The following CAMK1D variants were observed in gnomAD, a reference collection of about 807,000 sequenced individuals.
The protein encoded by CAMK1D is calcium/calmodulin dependent protein kinase ID.
In CAMK1D, 9 loss-of-function variants were observed where a neutral mutation model predicts 47.7. The observed-to-expected ratio is 0.19, with a 90% confidence interval of 0.11 to 0.33. The LOEUF is 0.33. Among genes scored for constraint, CAMK1D ranks in the 10% least tolerant of loss-of-function variants. The probability of loss-of-function intolerance (pLI) is 1.00; values close to 1 mark genes in which losing one functional copy is unlikely to be tolerated. For synonymous variants in CAMK1D, 184 were observed against 184.9 expected (o/e 0.99, Z 0.04); for missense variants, 291 against 488.7 (o/e 0.60, Z 3.81).
At chr10:12,782,931 C>T (rs1211128470) in intron 5 of CAMK1D, among the ~76,000 whole-genome samples, 1 of 151,948 alleles carries the variant, frequency 6.6e-6, no homozygotes, top group Admixed American at 6.6e-5. Context: ...TGATTCCATG[C>T]TGGATCTGAG....
At chr10:12,352,740 C>CTTT (rs760701327) in intron 1 of CAMK1D, among the ~76,000 whole-genome samples, 12,515 of 53,938 alleles carry the variant, frequency 0.23, 782 homozygotes, top group Non-Finnish European at 0.34. Flanking sequence ...TGTGGACTTT[C>CTTT]TTTTTTTTTT....
At chr10:12,734,472 GTGTATATATACACATATGTA>G (rs1835079814) in intron 3 of CAMK1D, among the ~76,000 whole-genome samples, 2 of 21,066 alleles carry the variant, frequency 9.5e-5, no homozygotes, top group East Asian at 1.7e-3. Flanking sequence ...ATACACATAT[GTGTATATATACACATATGTA>G]TATATATACA....
chr10:12,522,594 C>T (rs11257850), intron 1 of CAMK1D, among the ~76,000 whole-genome samples: 43,185 of 151,684 alleles, frequency 0.28, 6,380 homozygotes, highest in East Asian at 0.38. Context: ...CCCATGTCCA[C>T]TTCTTTCCAC....
chr10:12,771,364 C>T (rs1284765592), intron 5 of CAMK1D, among the ~76,000 whole-genome samples: 1 of 152,228 alleles, frequency 6.6e-6, no homozygotes, highest in Non-Finnish European at 1.5e-5. Context: ...CAGAACCTTC[C>T]CAGGCAGGCT....
chr10:12,447,521 G>A lies in CAMK1D; in HGVS notation c.92+97611G>A, dbSNP rs114521475. 3.3e-3 allele frequency among the ~76,000 whole-genome samples: 507 copies of A among 152,284 alleles called. 2 individuals carry two copies. Among genetic ancestry groups the A allele is most frequent in the African/African-American group, 0.012 (487 of 41,560 alleles). On this transcript the variant is annotated intron_variant, in intron 1 of 10. Coordinates refer to ENST00000619168, the MANE Select transcript of CAMK1D (RefSeq NM_153498.4). ...GTTTGAGAACAGCCTGGGCTACATA[G>A]CAAGACCCCGTCTCTCCAAAAAATT...
intron 1 of CAMK1D, among the ~76,000 whole-genome samples, chr10:12,523,680 G>C (rs986502933): frequency 1.3e-4 from 20 of 152,338 alleles, no homozygotes; most frequent in South Asian, 2.1e-4. Context: ...GTTGCAGTGA[G>C]CCGAGATGGC....
intron 2 of CAMK1D, among the ~76,000 whole-genome samples, chr10:12,557,331 C>T (rs985947181): frequency 1.3e-5 from 2 of 151,974 alleles, no homozygotes; most frequent in Admixed American, 6.6e-5. Context: ...AGGTGGATCA[C>T]GAGGTCAGGA....
chr10:12,482,590 A>C (rs1216736770), intron 1 of CAMK1D, among the ~76,000 whole-genome samples: 3 of 152,160 alleles, frequency 2.0e-5, no homozygotes, highest in Non-Finnish European at 2.9e-5. Flanking sequence ...AGGCCTGGGA[A>C]CCTGCGGAAC....
intron 1 of CAMK1D, among the ~76,000 whole-genome samples, chr10:12,437,238 C>T (rs1832662665): frequency 6.6e-6 from 1 of 152,164 alleles, no homozygotes; most frequent in African/African-American, 2.4e-5. Flanking sequence ...GTCACCCAGG[C>T]TGGAGTGCAG....
intron 1 of CAMK1D, among the ~76,000 whole-genome samples, chr10:12,543,103 A>C (rs765947161): frequency 6.6e-6 from 1 of 152,204 alleles, no homozygotes; most frequent in Non-Finnish European, 1.5e-5. Flanking sequence ...GCTGGAGTGC[A>C]GTGGCACGAT....
chr10:12,720,766 G>GT lies in CAMK1D; in HGVS notation c.300-40178dup, dbSNP rs970151909. On this transcript the variant is annotated intron_variant, in intron 3 of 10. Coordinates refer to ENST00000619168, the MANE Select transcript of CAMK1D (RefSeq NM_153498.4). ...CCGAAGAATCAATAAGGATTCAAGGGTTTTCCTCTCCACGGTAAGGAGATT... is the reference window on the plus strand; with the variant it reads ...CCGAAGAATCAATAAGGATTCAAGGGTTTTTCCTCTCCACGGTAAGGAGATT... 5.9e-5 allele frequency among the ~76,000 whole-genome samples: 9 copies of GT among 152,174 alleles called. 1 individual carries two copies. The highest frequency in any genetic ancestry group is 2.2e-4 in the African/African-American group (9 of 41,448).
intron 1 of CAMK1D, among the ~76,000 whole-genome samples, chr10:12,469,728 CAA>C (rs1215245639): frequency 4.6e-5 from 7 of 152,182 alleles, no homozygotes; most frequent in Admixed American, 3.9e-4. Context: ...CTGGAGAAAA[CAA>C]TGTTATATTT....
chr10:12,402,521 A>G (rs141521357), intron 1 of CAMK1D, among the ~76,000 whole-genome samples: 141 of 152,256 alleles, frequency 9.3e-4, no homozygotes, highest in African/African-American at 2.5e-3. Flanking sequence ...ACACTTAGTC[A>G]TTTGGTTTTT....
intron 2 of CAMK1D, among the ~76,000 whole-genome samples, chr10:12,611,569 C>A (rs1838621597): frequency 7.1e-6 from 1 of 141,814 alleles, no homozygotes; most frequent in Non-Finnish European, 1.5e-5. Flanking sequence ...CCCCCAGTTC[C>A]CTGAATGTTT....
intron 5 of CAMK1D, among the ~76,000 whole-genome samples, chr10:12,772,351 T>C (rs2130938864): frequency 6.6e-6 from 1 of 152,308 alleles, no homozygotes; most frequent in East Asian, 1.9e-4. Flanking sequence ...TGGTTCTCTT[T>C]TCAGCAGTCT....
intron 1 of CAMK1D, among the ~76,000 whole-genome samples, chr10:12,547,682 T>TCTCTCACACACACA (rs10643491): frequency 1.5e-3 from 171 of 116,516 alleles, no homozygotes; most frequent in Non-Finnish European, 2.3e-3. Flanking sequence ...TTTCTCTCTC[T>TCTCTCACACACACA]CACACACACA....
At chr10:12,763,850 A>G (rs1385379039) in intron 4 of CAMK1D, among the ~76,000 whole-genome samples, 1 of 152,202 alleles carries the variant, frequency 6.6e-6, no homozygotes, top group Non-Finnish European at 1.5e-5. Context: ...CAAAGATGCC[A>G]TAATATGCCG....
chr10:12,505,090 T>C (rs1010540808), intron 1 of CAMK1D, among the ~76,000 whole-genome samples: 3 of 152,230 alleles, frequency 2.0e-5, no homozygotes, highest in African/African-American at 7.2e-5. Flanking sequence ...CCTCCCTGTA[T>C]CGCTGTTTAT....
intron 6 of CAMK1D, among the ~76,000 whole-genome samples, chr10:12,795,181 A>G (rs1370117564): frequency 1.3e-5 from 2 of 152,146 alleles, no homozygotes; most frequent in Admixed American, 1.3e-4. Context: ...GGATAAGCAG[A>G]GAGATAAGAG....
Sources: gnomAD v4.1 joint callset for allele counts (sites outside exome capture counted in the v4.1 genomes callset) on GRCh38, gnomAD v4.1.1 for gene constraint, MANE v1.5 for transcripts, NCBI Gene and HGNC (gene_info 2026-07-23, HGNC 2026-07-21) for gene names.